Variants in THSD7B observed in about 807,000 individuals in gnomAD.
THSD7B encodes thrombospondin type 1 domain containing 7B.
A neutral mutation model predicts 213.6 loss-of-function variants in THSD7B; 138 were observed. The observed-to-expected ratio is 0.65, with a 90% CI of 0.56 to 0.74. The LOEUF (loss-of-function observed/expected upper bound fraction) is 0.74, where lower values mean the gene tolerates loss of function less well. Ranked by LOEUF, THSD7B falls within the 30% of genes least tolerant of loss-of-function variation. THSD7B has a pLI of 0.00. For synonymous variants in THSD7B, 742 were observed against 687.0 expected, an observed-to-expected ratio of 1.08 and a Z score of -1.25; for missense variants, 1,931 against 1,991.5, an observed-to-expected ratio of 0.97 and a Z score of 0.58.
intron 1 of THSD7B, among the ~76,000 whole-genome samples, chr2:136,850,405 G>A (rs1056511918): frequency 2.0e-5 from 3 of 151,930 alleles, no homozygotes; most frequent in African/African-American, 4.8e-5. Flanking sequence ...TAAAAGAAAA[G>A]TAAAGCAAAT....
chr2:136,971,640 ACACAC>A, intron 2 of THSD7B, among the ~76,000 whole-genome samples: 1 of 1,046 alleles, frequency 9.6e-4, no homozygotes, highest in Non-Finnish European at 0.01. Flanking sequence ...AACAACAAAT[ACACAC>A]ACACACACAC....
intron 1 of THSD7B, among the ~76,000 whole-genome samples, chr2:136,782,260 G>C (rs1032131287): frequency 6.6e-6 from 1 of 152,116 alleles, no homozygotes; most frequent in East Asian, 1.9e-4. Flanking sequence ...CTTCTGCTGC[G>C]TTTGTGTATT....
At chr2:137,623,306 C>A (rs1205417933) in intron 20 of THSD7B, among the ~76,000 whole-genome samples, 2 of 152,142 alleles carry the variant, frequency 1.3e-5, no homozygotes, top group Non-Finnish European at 2.9e-5. Context: ...TCTCAATAAA[C>A]TAGGTATTGA....
intron 2 of THSD7B, among the ~76,000 whole-genome samples, chr2:136,911,042 A>T (rs899447691): frequency 6.6e-6 from 1 of 152,176 alleles, no homozygotes; most frequent in Non-Finnish European, 1.5e-5. Context: ...GATATGATGA[A>T]GATATTATGA....
chr2:136,817,875 A>G (rs1227198795), intron 1 of THSD7B, among the ~76,000 whole-genome samples: 3 of 150,198 alleles, frequency 2.0e-5, no homozygotes, highest in Admixed American at 1.3e-4. Flanking sequence ...TAGAATGGCA[A>G]TCATTAAAAA....
intron 2 of THSD7B, among the ~76,000 whole-genome samples, chr2:136,995,014 C>T (rs944733647): frequency 6.6e-6 from 1 of 152,160 alleles, no homozygotes; most frequent in African/African-American, 2.4e-5. Context: ...GTAGTCCTAT[C>T]CCATGTGTTT....
chr2:137,649,744 T>C lies in THSD7B; in HGVS notation c.3946-5757T>C, dbSNP rs144339292. ...GTTTGTAGTGTATTTTGAAGTCAAG[T>C]AGTGTGATGCTTTCAGCATTGTTCT... On this transcript the variant is annotated intron_variant, in intron 21 of 27. Transcript: ENST00000409968. Among the ~76,000 whole-genome samples the C allele has an allele frequency of 4.1e-4, 62 of 152,302 alleles. 2 individuals carry two copies. Among genetic ancestry groups the C allele is most frequent in the African/African-American group, 1.2e-3 (49 of 41,554 alleles).
chr2:136,917,300 T>C (rs1303492340), intron 2 of THSD7B, among the ~76,000 whole-genome samples: 2 of 152,228 alleles, frequency 1.3e-5, no homozygotes, highest in East Asian at 3.8e-4. Context: ...TGGAAATATA[T>C]TCATACTGTA....
intron 6 of THSD7B, among the ~76,000 whole-genome samples, chr2:137,165,935 AT>A (rs1183153684): frequency 6.6e-6 from 1 of 152,110 alleles, no homozygotes; most frequent in African/African-American, 2.4e-5. Flanking sequence ...GCTCTGGTAC[AT>A]TTCCTTTGTT....
chr2:137,535,347 A>G (rs1036181719), intron 15 of THSD7B, among the ~76,000 whole-genome samples: 1 of 151,752 alleles, frequency 6.6e-6, no homozygotes, highest in Non-Finnish European at 1.5e-5. Flanking sequence ...TGCCTTAATT[A>G]CCATTTATAT....
intron 2 of THSD7B, among the ~76,000 whole-genome samples, chr2:137,054,935 C>G (rs1483810936): frequency 6.6e-6 from 1 of 152,038 alleles, no homozygotes; most frequent in Non-Finnish European, 1.5e-5. Context: ...CACCCTTGCC[C>G]CCCATACCAC....
intron 2 of THSD7B, among the ~76,000 whole-genome samples, chr2:136,915,704 A>G (rs1684337816): frequency 6.6e-6 from 1 of 152,242 alleles, no homozygotes; most frequent in Non-Finnish European, 1.5e-5. Flanking sequence ...GCCCATGGTT[A>G]CACAGCAAGT....
intron 1 of THSD7B, among the ~76,000 whole-genome samples, chr2:136,879,990 G>T (rs1683592529): frequency 6.6e-6 from 1 of 152,092 alleles, no homozygotes; most frequent in Non-Finnish European, 1.5e-5. Context: ...CCTACAAAGA[G>T]ACTTAGACTC....
chr2:137,538,317 T>C (rs1204366970), intron 15 of THSD7B, among the ~76,000 whole-genome samples: 21 of 151,638 alleles, frequency 1.4e-4, no homozygotes, highest in Admixed American at 1.4e-3. Context: ...TGCTCGAGAC[T>C]GGGAGGGTAA....
At chr2:137,093,928 C>G (rs989346058) in intron 3 of THSD7B, among the ~76,000 whole-genome samples, 1 of 151,914 alleles carries the variant, frequency 6.6e-6, no homozygotes, top group Non-Finnish European at 1.5e-5. Flanking sequence ...ATTTATTTAC[C>G]TTTTTCCTAA....
intron 10 of THSD7B, among the ~76,000 whole-genome samples, chr2:137,244,940 A>G (rs1681992414): frequency 6.6e-6 from 1 of 152,158 alleles, no homozygotes; most frequent in African/African-American, 2.4e-5. Context: ...CACCTGGAAG[A>G]ATTATTAATA....
rs562266907 is a variant in THSD7B, at chr2:136,949,947, C to G, written c.139+67630C>G. ...ACTTGGAACCAACCCAAATGCCCAT[C>G]AATGATAGACTGGATAAAGAAAATG... On this transcript the variant is annotated intron_variant, in intron 2 of 27. Coordinates refer to ENST00000409968, the MANE Select transcript of THSD7B (RefSeq NM_001316349.2). Among the ~76,000 whole-genome samples, 4 of 152,248 alleles carry G rather than the reference C, an allele frequency of 2.6e-5. No homozygotes were observed. The East Asian group carries it at 7.7e-4, about 29-fold the overall frequency.
chr2:137,100,819 C>A (rs1325408284), intron 4 of THSD7B, among the ~76,000 whole-genome samples: 3 of 152,070 alleles, frequency 2.0e-5, no homozygotes, highest in Non-Finnish European at 4.4e-5. Context: ...AAAGGACATC[C>A]ACCCAGGACA....
intron 12 of THSD7B, among the ~76,000 whole-genome samples, chr2:137,285,331 G>T (rs147773375): frequency 1.9e-4 from 29 of 152,134 alleles, no homozygotes; most frequent in South Asian, 1.0e-3. Flanking sequence ...TATAGCACAC[G>T]GATGGGTCTT....
Sources: allele counts gnomAD v4.1 joint callset (sites outside exome capture counted in the v4.1 genomes callset), GRCh38; gene constraint gnomAD v4.1.1; transcripts MANE v1.5; gene names NCBI Gene and HGNC (gene_info 2026-07-23, HGNC 2026-07-21).